The following TCHP variants were observed in gnomAD, a reference collection of about 807,000 sequenced individuals.
TCHP encodes trichoplein keratin filament binding, also known as trichoplein keratin filament-binding protein.
A neutral mutation model predicts 88.7 loss-of-function variants in TCHP; 81 were observed. The observed-to-expected ratio is 0.91, with a 90% confidence interval of 0.76 to 1.10. The LOEUF is 1.10. TCHP is among the 50% of genes least tolerant of loss of function. The pLI, the probability that TCHP is intolerant of heterozygous loss-of-function variation, is 0.00. For missense variants in TCHP, 641 were observed against 632.1 expected (o/e 1.01, Z -0.15); for synonymous variants, 232 against 232.5 (o/e 1.00, Z 0.02).
intron 5 of TCHP, 53 bp downstream of exon 5, chr12:109,906,693 C>G (rs1474377445): frequency 6.9e-7 from 1 of 1,455,862 alleles, no homozygotes. Flanking sequence ...CGAGACTGTT[C>G]ACGTCTTTGC....
the TCHP span, among the ~76,000 whole-genome samples, chr12:109,894,161 G>C: frequency 6.6e-6 from 1 of 151,304 alleles, no homozygotes; most frequent in African/African-American, 2.4e-5. Flanking sequence ...CTCTAGCCTG[G>C]GCAACAGAGT....
intron 10 of TCHP, among the ~76,000 whole-genome samples, chr12:109,913,740 A>G (rs1004108408): frequency 3.3e-5 from 5 of 151,788 alleles, no homozygotes; most frequent in South Asian, 2.1e-4. Flanking sequence ...CAAATGAGAA[A>G]CTCTACGTTG....
At chr12:109,906,541 G>T in intron 4 of TCHP, 31 bp from the exon 5 acceptor site, 1 of 1,610,350 alleles carries the variant, frequency 6.2e-7, no homozygotes, top group South Asian at 1.1e-5. Flanking sequence ...GTCTGGTGAG[G>T]AAATTCACAT....
upstream of TCHP, among the ~76,000 whole-genome samples, chr12:109,899,600 T>C (rs1049969739): frequency 2.0e-5 from 3 of 152,102 alleles, no homozygotes; most frequent in African/African-American, 7.2e-5. Flanking sequence ...ATCACGCCAC[T>C]GCACTCCAGC....
chr12:109,897,038 A>G (rs1025464399), upstream of TCHP, among the ~76,000 whole-genome samples: 1 of 152,220 alleles, frequency 6.6e-6, no homozygotes, highest in East Asian at 1.9e-4. Flanking sequence ...TGTTGCAGCA[A>G]GAGGGCTTAG....
chr12:109,912,749 C>T (rs963828456), intron 9 of TCHP, among the ~76,000 whole-genome samples: 1 of 152,144 alleles, frequency 6.6e-6, no homozygotes, highest in African/African-American at 2.4e-5. Flanking sequence ...CGAGATCGCA[C>T]CACTGCACTC....
At chr12:109,910,976 G>C in intron 8 of TCHP, 87 bp from the exon 9 acceptor site, 1 of 1,419,714 alleles carries the variant, frequency 7.0e-7, no homozygotes, top group Non-Finnish European at 9.2e-7. Context: ...TATGTAGAAA[G>C]GAAAGGGAGG....
chr12:109,887,440 G>A, the TCHP span, among the ~76,000 whole-genome samples: 3,144 of 150,548 alleles, frequency 0.021, 115 homozygotes, highest in African/African-American at 0.073. Context: ...AAAAACCATG[G>A]TATTTCACCC....
the TCHP span, among the ~76,000 whole-genome samples, chr12:109,883,158 C>G: frequency 6.6e-6 from 1 of 150,624 alleles, no homozygotes; most frequent in Non-Finnish European, 1.5e-5. Context: ...CTCAGTCTCT[C>G]AAGTACCTGG....
chr12:109,886,848 A>G, the TCHP span, among the ~76,000 whole-genome samples: 18 of 152,006 alleles, frequency 1.2e-4, no homozygotes, highest in Non-Finnish European at 1.8e-4. Flanking sequence ...AGCTGGGATT[A>G]TAGGTGTGCA....
In TCHP at chr12:109,904,752, T is replaced by C. The variant is rs1484166750; in HGVS notation, c.415T>C (p.Leu139=). ...TTCTTGATAGATTGCTGAACAACTT[T>C]TGTACGAACACTGGAAAAAGAACAA... ...EQRKLIAEQL[L]YEHWKKNNPK... The change falls in exon 4 of 13, where the codon TTG becomes CTG. Residue 139 remains leucine, a synonymous_variant. Transcript: ENST00000405876. The C allele has an allele frequency of 6.2e-7, 1 of 1,612,636 alleles. No homozygotes were observed. Among genetic ancestry groups the C allele is most frequent in the African/African-American group, 1.3e-5 (1 of 74,866 alleles).
intron 1 of TCHP, among the ~76,000 whole-genome samples, chr12:109,901,535 A>C (rs1869794330): frequency 6.6e-6 from 1 of 152,198 alleles, no homozygotes; most frequent in African/African-American, 2.4e-5. Context: ...TTAACTGATA[A>C]GGTACTGAAA....
At chr12:109,886,131 T>C in the TCHP span, among the ~76,000 whole-genome samples, 2 of 152,162 alleles carry the variant, frequency 1.3e-5, no homozygotes, top group South Asian at 2.1e-4. Flanking sequence ...TACAATCCAT[T>C]ACTATTTATT....
At chr12:109,886,218 A>G in the TCHP span, among the ~76,000 whole-genome samples, 1 of 150,498 alleles carries the variant, frequency 6.6e-6, no homozygotes, top group Non-Finnish European at 1.5e-5. Context: ...GCTCACTAAA[A>G]CCTCTACCTC....
intron 6 of TCHP, 42 bp from the exon 7 acceptor site, chr12:109,908,544 G>A (rs1394533308): frequency 9.3e-6 from 14 of 1,506,346 alleles, no homozygotes; most frequent in Middle Eastern, 1.7e-4. Flanking sequence ...TGATTCCCAC[G>A]ATCTCAGATC....
chr12:109,917,732 A>G lies in TCHP; in HGVS notation c.*1109A>G, dbSNP rs1468854798. 3 of 152,578 alleles carry G rather than the reference A, an allele frequency of 2.0e-5. No homozygotes were observed. Among genetic ancestry groups the G allele is most frequent in the Non-Finnish European group, 4.4e-5 (3 of 68,024 alleles). 9.5% of individuals were successfully genotyped at this position (152,578 alleles called of 1,614,324 possible). On this transcript the variant is annotated 3_prime_UTR_variant, in exon 13 of 13. Transcript: ENST00000405876. ...GCAATAATATTATTTTATGACTTGT[A>G]TTTTTACTATACCCTTCCTCTGAGG...
intron 1 of TCHP, among the ~76,000 whole-genome samples, chr12:109,901,580 A>G (rs960225463): frequency 3.9e-5 from 6 of 152,252 alleles, no homozygotes; most frequent in Admixed American, 2.6e-4. Context: ...ATTTTGCTCA[A>G]AAGATAACAC....
chr12:109,904,387 G>T (rs1870006597), intron 3 of TCHP, among the ~76,000 whole-genome samples: 1 of 152,118 alleles, frequency 6.6e-6, no homozygotes, highest in African/African-American at 2.4e-5. Flanking sequence ...CAGTTCTGTG[G>T]GTCCACAGAG....
upstream of TCHP, among the ~76,000 whole-genome samples, chr12:109,896,971 C>T (rs1869577822): frequency 6.6e-6 from 1 of 151,948 alleles, no homozygotes; most frequent in South Asian, 2.1e-4. Context: ...GAGTGCTTAC[C>T]ACATACAAGG....
Sources: gnomAD v4.1 joint callset for allele counts (sites outside exome capture counted in the v4.1 genomes callset) on GRCh38, gnomAD v4.1.1 for gene constraint, MANE v1.5 for transcripts, NCBI Gene and HGNC (gene_info 2026-07-23, HGNC 2026-07-21) for gene names.